The following ADAM7 variants were observed in gnomAD, a reference collection of about 807,000 sequenced individuals.
ADAM7 encodes ADAM metallopeptidase domain 7.
Under a neutral mutation model 102.9 loss-of-function variants are expected in ADAM7, and 97 were observed. That is an observed-to-expected ratio of 0.94 (90% CI 0.80 to 1.12). The LOEUF (loss-of-function observed/expected upper bound fraction) is 1.12. Ranked by LOEUF, ADAM7 falls within the 50% of genes most tolerant of loss-of-function variation. The pLI is 0.00. For missense variants in ADAM7, 991 were observed against 908.7 expected (o/e 1.09, Z -1.16); for synonymous variants, 334 against 304.4 (o/e 1.10, Z -1.01).
rs983787103 is a variant in ADAM7, at chr8:24,463,979, C to T, written c.312+19C>T. Reference sequence around the variant, plus strand: ...GATCATGGTATCTTATGGAACTTTACTGTGTCTCTTCTCTAAAAGCAGTAT... The same window carrying T: ...GATCATGGTATCTTATGGAACTTTATTGTGTCTCTTCTCTAAAAGCAGTAT... On this transcript the variant is annotated intron_variant, in intron 4 of 21. Transcript: ENST00000175238. 1.9e-6 allele frequency: 3 copies of T among 1,592,358 alleles called. No homozygotes were observed. Among genetic ancestry groups the T allele is most frequent in the African/African-American group, 2.7e-5 (2 of 74,418 alleles).
At chr8:24,507,386 C>G in intron 20 of ADAM7, 94 bp from the exon 21 acceptor site, 1 of 981,516 alleles carries the variant, frequency 1.0e-6, no homozygotes, top group Non-Finnish European at 1.6e-6. Context: ...TGTATGTGCT[C>G]ATGTGTATGT....
intron 7 of ADAM7, among the ~76,000 whole-genome samples, chr8:24,469,066 T>C (rs1819522751): frequency 6.6e-6 from 1 of 151,966 alleles, no homozygotes; most frequent in Admixed American, 6.6e-5. Context: ...ATACAAAAAG[T>C]TGAAAATATT....
At chr8:24,447,645 C>A (rs917390968) in intron 3 of ADAM7, among the ~76,000 whole-genome samples, 1 of 152,156 alleles carries the variant, frequency 6.6e-6, no homozygotes, top group Non-Finnish European at 1.5e-5. Flanking sequence ...AGTTCCATTG[C>A]AGAGTAAACT....
At chr8:24,498,358 T>C (rs1820630397) in intron 16 of ADAM7, among the ~76,000 whole-genome samples, 1 of 151,510 alleles carries the variant, frequency 6.6e-6, no homozygotes, top group African/African-American at 2.4e-5. Context: ...TTAATGTTGA[T>C]TTTTTCTTGA....
chr8:24,509,033 A>C lies in ADAM7; in HGVS notation c.*487A>C. On this transcript the variant is annotated 3_prime_UTR_variant, in exon 22 of 22. Coordinates refer to ENST00000175238, the MANE Select transcript of ADAM7 (RefSeq NM_003817.4). ...GCAGAAATGCCAAAGAAGGCAGGGC[A>C]GAGCGGCACGGATTCTAGGTAATTA... The C allele has an allele frequency of 2.0e-6, 2 of 988,910 alleles. No homozygotes were observed. The highest frequency in any genetic ancestry group is 2.4e-6 in the Non-Finnish European group (2 of 832,352). The allele number at this position is 988,910 out of a possible 1,614,324, so 61.3% of individuals were successfully genotyped here. A position where few individuals can be genotyped will look rare whatever the true frequency, so the allele number is the denominator to read the frequency against.
At chr8:24,465,423 T>G (rs1291320282) in intron 4 of ADAM7, among the ~76,000 whole-genome samples, 4 of 152,194 alleles carry the variant, frequency 2.6e-5, no homozygotes. Context: ...GTCACAATTC[T>G]AAAACTACTG....
intron 7 of ADAM7, among the ~76,000 whole-genome samples, chr8:24,474,406 A>G (rs903904504): frequency 6.6e-6 from 1 of 152,176 alleles, no homozygotes; most frequent in Non-Finnish European, 1.5e-5. Context: ...GTGTGATTTT[A>G]GTTGCATTAA....
chr8:24,490,109 C>T (rs1820290550), intron 12 of ADAM7, among the ~76,000 whole-genome samples: 1 of 152,072 alleles, frequency 6.6e-6, no homozygotes. Flanking sequence ...TGCACAATAC[C>T]AGGAGGTCTA....
chr8:24,455,689 C>T (rs892287400), intron 3 of ADAM7, among the ~76,000 whole-genome samples: 2 of 152,180 alleles, frequency 1.3e-5, no homozygotes, highest in South Asian at 4.1e-4. Flanking sequence ...TACAGGCATG[C>T]ACCACTGCAC....
At chr8:24,496,760 C>G (rs1051926587) in intron 16 of ADAM7, among the ~76,000 whole-genome samples, 3 of 152,130 alleles carry the variant, frequency 2.0e-5, no homozygotes, top group Admixed American at 2.0e-4. Flanking sequence ...GCCTGTACCC[C>G]CATTGTGTCC....
At chr8:24,445,520 C>A (rs1425537903) in intron 2 of ADAM7, among the ~76,000 whole-genome samples, 1 of 152,160 alleles carries the variant, frequency 6.6e-6, no homozygotes, top group Non-Finnish European at 1.5e-5. Context: ...ATCACTGAGG[C>A]TTGTAGATTC....
At chr8:24,481,235 C>T (rs1160750250) in intron 8 of ADAM7, among the ~76,000 whole-genome samples, 1 of 152,060 alleles carries the variant, frequency 6.6e-6, no homozygotes, top group African/African-American at 2.4e-5. Flanking sequence ...TCTTTGGCCT[C>T]TACTGACACA....
intron 11 of ADAM7, among the ~76,000 whole-genome samples, chr8:24,488,478 A>T (rs2129390637): frequency 6.6e-6 from 1 of 152,296 alleles, no homozygotes. Flanking sequence ...GCTGGCACAG[A>T]ATAAGAACAC....
intron 7 of ADAM7, among the ~76,000 whole-genome samples, chr8:24,474,030 T>A (rs1347486340): frequency 1.3e-5 from 2 of 152,112 alleles, no homozygotes; most frequent in African/African-American, 4.8e-5. Context: ...ATTAATAAAA[T>A]GTTGGCAGTT....
chr8:24,449,909 C>T (rs1209938181), intron 3 of ADAM7, among the ~76,000 whole-genome samples: 2 of 152,188 alleles, frequency 1.3e-5, no homozygotes, highest in South Asian at 2.1e-4. Flanking sequence ...AATAGGGAAT[C>T]CTTTCCCCAT....
chr8:24,507,601 C>T, intron 21 of ADAM7, 66 bp downstream of exon 21: 2 of 1,310,824 alleles, frequency 1.5e-6, no homozygotes, highest in Non-Finnish European at 2.2e-6. Flanking sequence ...GTTTTGTGTT[C>T]TTTACCAACT....
intron 4 of ADAM7, among the ~76,000 whole-genome samples, chr8:24,464,872 C>T (rs1452799634): frequency 3.1e-4 from 39 of 125,576 alleles, no homozygotes; most frequent in Admixed American, 2.5e-3. Context: ...CTGCAACCTC[C>T]GCCTCCCAGG....
chr8:24,488,610 A>G (rs1820226657), intron 11 of ADAM7, among the ~76,000 whole-genome samples: 2 of 152,142 alleles, frequency 1.3e-5, no homozygotes, highest in African/African-American at 4.8e-5. Context: ...TATTATGTCA[A>G]TAATAATGTT....
intron 20 of ADAM7, 80 bp downstream of exon 20, chr8:24,501,656 T>C (rs1820765180): frequency 9.4e-7 from 1 of 1,066,560 alleles, no homozygotes; most frequent in African/African-American, 1.6e-5. Context: ...GTAGAACCCG[T>C]CCTAAGCTAA....
Sources: allele counts gnomAD v4.1 joint callset (sites outside exome capture counted in the v4.1 genomes callset), GRCh38; gene constraint gnomAD v4.1.1; transcripts MANE v1.5; gene names NCBI Gene and HGNC (gene_info 2026-07-23, HGNC 2026-07-21).